PPFIA2: variants seen among roughly 807,000 people sequenced by gnomAD.
The protein encoded by PPFIA2 is liprin-alpha-2.
Under a neutral mutation model 175.5 loss-of-function variants are expected in PPFIA2, and 46 were observed. The ratio of observed to expected loss-of-function variants is 0.26; its 90% CI spans 0.21 to 0.34. The LOEUF is 0.34. PPFIA2 is among the 10% of genes least tolerant of loss of function. The pLI is 1.00. For missense variants in PPFIA2, 1,179 were observed against 1,506.1 expected (o/e 0.78, Z 3.60); for synonymous variants, 568 against 511.4 (o/e 1.11, Z -1.49).
At chr12:81,666,018 C>T (rs919442260) in intron 4 of PPFIA2, among the ~76,000 whole-genome samples, 3 of 152,120 alleles carry the variant, frequency 2.0e-5, no homozygotes, top group Non-Finnish European at 2.9e-5. Flanking sequence ...AAATGCTCAT[C>T]ATCACTGGCC....
intron 4 of PPFIA2, among the ~76,000 whole-genome samples, chr12:81,548,918 T>G (rs2067428132): frequency 6.6e-6 from 1 of 152,188 alleles, no homozygotes; most frequent in Non-Finnish European, 1.5e-5. Context: ...CTGCAGGTAC[T>G]TACTATGGAA....
At chr12:81,321,068 A>C (rs2053555359) in intron 22 of PPFIA2, among the ~76,000 whole-genome samples, 1 of 152,004 alleles carries the variant, frequency 6.6e-6, no homozygotes, top group African/African-American at 2.4e-5. Flanking sequence ...AGAGAGAGAG[A>C]GAGAGGAAAA....
intron 4 of PPFIA2, chr12:81,598,337 A>T (rs1478449088): frequency 2.3e-5 from 27 of 1,150,296 alleles, no homozygotes; most frequent in Non-Finnish European, 2.9e-5. Context: ...CTTGTGCAGA[A>T]TCTGGCAGTG....
intron 4 of PPFIA2, among the ~76,000 whole-genome samples, chr12:81,671,117 C>T (rs2071326315): frequency 1.3e-5 from 2 of 151,880 alleles, no homozygotes; most frequent in Admixed American, 6.6e-5. Context: ...CTTAACATGT[C>T]TAAAACTGAA....
intron 3 of PPFIA2, among the ~76,000 whole-genome samples, chr12:81,727,529 T>C (rs936005396): frequency 5.9e-5 from 9 of 151,322 alleles, no homozygotes; most frequent in African/African-American, 1.7e-4. Context: ...GCTACTCAAA[T>C]AGTCAAACAG....
chr12:81,369,596 T>C (rs1424444711), intron 11 of PPFIA2, among the ~76,000 whole-genome samples: 1 of 151,822 alleles, frequency 6.6e-6, no homozygotes, highest in Non-Finnish European at 1.5e-5. Flanking sequence ...TATTTAGCAA[T>C]AGAAAGTAAA....
intron 8 of PPFIA2, among the ~76,000 whole-genome samples, chr12:81,397,307 C>G (rs2142507108): frequency 6.6e-6 from 1 of 152,104 alleles, no homozygotes; most frequent in Non-Finnish European, 1.5e-5. Flanking sequence ...CATGCCAAGA[C>G]AGACTTATCA....
At chr12:81,624,491 A>G (rs1414959834) in intron 4 of PPFIA2, among the ~76,000 whole-genome samples, 1 of 146,832 alleles carries the variant, frequency 6.8e-6, no homozygotes, top group Non-Finnish European at 1.5e-5. Context: ...TCATACATTA[A>G]TGATACTATA....
At chr12:81,441,922 T>C (rs986058744) in intron 6 of PPFIA2, among the ~76,000 whole-genome samples, 1 of 152,124 alleles carries the variant, frequency 6.6e-6, no homozygotes, top group Non-Finnish European at 1.5e-5. Context: ...GAAGTTACCA[T>C]ATTTTAAAAT....
At chr12:81,523,028 A>G (rs941236602) in intron 4 of PPFIA2, among the ~76,000 whole-genome samples, 7 of 152,200 alleles carry the variant, frequency 4.6e-5, no homozygotes, top group African/African-American at 1.2e-4. Context: ...ACACTCATCT[A>G]TCAGAGGATT....
At chr12:81,374,526 TTA>T in intron 11 of PPFIA2, 106 bp downstream of exon 11, 2 of 1,323,822 alleles carry the variant, frequency 1.5e-6, no homozygotes, top group Admixed American at 2.6e-5. Flanking sequence ...ATAATAGAGA[TTA>T]AACTTAATTT....
chr12:81,391,916 G>C (rs1372985311), intron 8 of PPFIA2, among the ~76,000 whole-genome samples: 2 of 151,820 alleles, frequency 1.3e-5, no homozygotes, highest in Non-Finnish European at 2.9e-5. Flanking sequence ...AAAGCAAGAG[G>C]GTGGGAGTGG....
intron 4 of PPFIA2, among the ~76,000 whole-genome samples, chr12:81,548,299 T>C (rs749014302): frequency 6.6e-6 from 1 of 152,114 alleles, no homozygotes. Context: ...TGTTCGATCA[T>C]CTAAGGCCTT....
At chr12:81,567,191 G>T (rs2071512007) in intron 4 of PPFIA2, among the ~76,000 whole-genome samples, 1 of 152,104 alleles carries the variant, frequency 6.6e-6, no homozygotes, top group Admixed American at 6.5e-5. Context: ...GGGACCACAG[G>T]CACCCACCAC....
At chr12:81,679,507 A>G (rs966342837) in intron 3 of PPFIA2, among the ~76,000 whole-genome samples, 1 of 152,038 alleles carries the variant, frequency 6.6e-6, no homozygotes, top group East Asian at 1.9e-4. Context: ...CAGATTTTTA[A>G]AATTTTAAGC....
chr12:81,746,078 C>T (rs1314663867), intron 3 of PPFIA2, among the ~76,000 whole-genome samples: 1 of 144,732 alleles, frequency 6.9e-6, no homozygotes, highest in Non-Finnish European at 1.6e-5. Context: ...CAAATAAAGT[C>T]TTGTGCCTCA....
At position 81,411,579 on chromosome 12, in the gene PPFIA2, C is replaced by T. The variant is rs375982333; in HGVS notation, c.646-5676G>A. Among the ~76,000 whole-genome samples, 172 of 152,154 alleles carry T rather than the reference C, an allele frequency of 1.1e-3. 4 individuals are homozygous for T. In the South Asian group the frequency reaches 0.024, roughly 21 times the overall value. ...CCTCCAGTCTGCAAAATTCTTTAGC[C>T]TTCATTTTTCTTTTCTACCAGCTTG... On this transcript the variant is annotated intron_variant, in intron 7 of 32. Coordinates refer to ENST00000549396, the MANE Select transcript of PPFIA2 (RefSeq NM_003625.5).
intron 4 of PPFIA2, among the ~76,000 whole-genome samples, chr12:81,530,769 T>C (rs764839696): frequency 1.6e-5 from 2 of 128,546 alleles, no homozygotes; most frequent in African/African-American, 6.8e-5. Context: ...AAAAACACAT[T>C]ATATAATATA....
chr12:81,692,426 G>T (rs574750981), intron 3 of PPFIA2, among the ~76,000 whole-genome samples: 2 of 152,042 alleles, frequency 1.3e-5, no homozygotes, highest in Non-Finnish European at 2.9e-5. Flanking sequence ...GCCAGTAAGT[G>T]TTCAGGTAAT....
Sources: gnomAD v4.1 joint callset for allele counts (sites outside exome capture counted in the v4.1 genomes callset) on GRCh38, gnomAD v4.1.1 for gene constraint, MANE v1.5 for transcripts, NCBI Gene and HGNC (gene_info 2026-07-23, HGNC 2026-07-21) for gene names.